Variants in PCDHGB1 observed in about 807,000 individuals in gnomAD.
PCDHGB1 encodes the protein protocadherin gamma subfamily B, 1, also known as protocadherin gamma-B1.
A neutral mutation model predicts 56.6 loss-of-function variants in PCDHGB1; 34 were observed. The observed-to-expected ratio is 0.60, with a 90% CI of 0.46 to 0.80. The LOEUF (loss-of-function observed/expected upper bound fraction) is 0.80, where lower values mean the gene tolerates loss of function less well. PCDHGB1 is among the 30% of genes least tolerant of loss of function. The pLI, the probability that PCDHGB1 is intolerant of heterozygous loss-of-function variation, is 0.00. For missense variants in PCDHGB1, 1,278 were observed against 1,204.6 expected (o/e 1.06, Z -0.90); for synonymous variants, 561 against 505.9 (o/e 1.11, Z -1.46).
At chr5:141,502,815 TTTCC>T in intron 2 of PCDHGB1, among the ~76,000 whole-genome samples, 1 of 151,372 alleles carries the variant, frequency 6.6e-6, no homozygotes, top group East Asian at 1.9e-4. Context: ...TTCACTGTCT[TTTCC>T]TTGGGGAAGC....
At position 141,489,733 on chromosome 5, in the gene PCDHGB1, A is replaced by C; in HGVS notation, c.2410-5074A>C. ...TGCCCAGGATCCGGATGTGGGCACC[A>C]ATACTGTGAGCTTTTACACTCTAAG... On this transcript the variant is annotated intron_variant, in intron 1 of 3. Coordinates refer to ENST00000523390, the MANE Select transcript of PCDHGB1 (RefSeq NM_018922.3). This position sits in a 1 kb window ranked among gnomAD's most constrained non-coding sequence, Gnocchi z 4.5. 1 of 1,614,168 alleles carries C rather than the reference A, an allele frequency of 6.2e-7. No individual in the cohort carries two copies. The highest frequency in any genetic ancestry group is 1.1e-5 in the South Asian group (1 of 91,078).
At chr5:141,465,867 A>G (rs1049493106) in intron 1 of PCDHGB1, among the ~76,000 whole-genome samples, 5 of 152,040 alleles carry the variant, frequency 3.3e-5, no homozygotes, top group African/African-American at 9.7e-5. Context: ...TCATGCCTGT[A>G]ATCCCAGCAC....
chr5:141,494,977 T>C, intron 2 of PCDHGB1, 112 bp downstream of exon 2: 1 of 1,574,332 alleles, frequency 6.4e-7, no homozygotes, highest in East Asian at 2.3e-5. Context: ...TCTCCCTCAG[T>C]TTGAGATCCC....
chr5:141,397,862 G>A (rs956658469), intron 1 of PCDHGB1: 5 of 566,952 alleles, frequency 8.8e-6, no homozygotes, highest in African/African-American at 7.5e-5. Flanking sequence ...TAGTTTCCTA[G>A]TGCTGACTCT....
intron 1 of PCDHGB1, chr5:141,374,349 G>A: frequency 1.2e-6 from 2 of 1,614,042 alleles, no homozygotes; most frequent in Non-Finnish European, 1.7e-6. Context: ...ACCGCGGGTA[G>A]GATAGACCGC....
intron 1 of PCDHGB1, chr5:141,374,996 G>A: frequency 1.9e-6 from 3 of 1,614,006 alleles, no homozygotes; most frequent in Non-Finnish European, 2.5e-6. Context: ...TTCAACTTCT[G>A]CAAATCTAGA....
chr5:141,376,110 G>C (rs772810239), intron 1 of PCDHGB1: 1 of 1,613,644 alleles, frequency 6.2e-7, no homozygotes. Context: ...GCCGACCTGG[G>C]CAGCCTCGAG....
chr5:141,399,527 T>A (rs781680585), intron 1 of PCDHGB1: 2 of 1,614,016 alleles, frequency 1.2e-6, no homozygotes, highest in East Asian at 2.2e-5. Context: ...GGGGCCTCCA[T>A]CGCGCAAGTC....
At chr5:141,388,841 A>G in intron 1 of PCDHGB1, 1 of 1,614,022 alleles carries the variant, frequency 6.2e-7, no homozygotes. Context: ...TTTTGGAAGC[A>G]AGGGACGGTG....
chr5:141,405,195 C>T, intron 1 of PCDHGB1: 1 of 1,613,786 alleles, frequency 6.2e-7, no homozygotes. Context: ...GGGGTTCGAG[C>T]TTTCCTACAG....
Position 141,491,590 on chromosome 5 carries a change from G to A in PCDHGB1, c.2410-3217G>A, listed in dbSNP as rs376104513. ...GACGTGCTTTTCACCGGCCTCGGAC[G>A]GCAGTGACTTCACTTTTCTAAGACC... On this transcript the variant is annotated intron_variant, in intron 1 of 3. Transcript: ENST00000523390. The surrounding 1 kb of genome is among the most constrained non-coding windows in gnomAD (Gnocchi z 6.9). 15 of 1,613,828 alleles carry A rather than the reference G, an allele frequency of 9.3e-6. No homozygotes were observed. In the African/African-American group the frequency reaches 2.0e-4, roughly 22 times the overall value.
intron 1 of PCDHGB1, among the ~76,000 whole-genome samples, chr5:141,444,000 A>T (rs2098413157): frequency 6.6e-6 from 1 of 152,070 alleles, no homozygotes; most frequent in African/African-American, 2.4e-5. Context: ...TTTAAATGCT[A>T]CCTGGGTATT....
In PCDHGB1 at chr5:141,431,543, C is replaced by T. The variant is rs1334234544; in HGVS notation, c.2410-63264C>T. The T allele has an allele frequency of 1.9e-6, 3 of 1,614,128 alleles. No individual in the cohort carries two copies. The highest frequency in any genetic ancestry group is 2.5e-6 in the Non-Finnish European group (3 of 1,180,036). ...GAATCTGGCCTTGGGCACGCAGCTGCTTGTAGTCAACGCTACCGACCCTGA... is the reference window on the plus strand; with the variant it reads ...GAATCTGGCCTTGGGCACGCAGCTGTTTGTAGTCAACGCTACCGACCCTGA... On this transcript the variant is annotated intron_variant, in intron 1 of 3. Transcript: ENST00000523390. This position sits in a 1 kb window ranked among gnomAD's most constrained non-coding sequence, Gnocchi z 4.8.
chr5:141,420,496 G>T, intron 1 of PCDHGB1: 1 of 495,924 alleles, frequency 2.0e-6, no homozygotes, highest in Non-Finnish European at 3.1e-6. Context: ...GTAATCTCCG[G>T]TGACATTTTT....
At chr5:141,361,236 C>G (rs373083462) in intron 1 of PCDHGB1, 88 of 1,613,828 alleles carry the variant, frequency 5.5e-5, no homozygotes, top group Non-Finnish European at 7.2e-5. Flanking sequence ...CAGTGATCGC[C>G]TTGATAAAAA....
chr5:141,447,516 A>G (rs997127013), intron 1 of PCDHGB1, among the ~76,000 whole-genome samples: 1 of 152,220 alleles, frequency 6.6e-6, no homozygotes, highest in African/African-American at 2.4e-5. Flanking sequence ...ATGCATAACA[A>G]TCATAACAAA....
chr5:141,442,798 A>G (rs1055527090), intron 1 of PCDHGB1, among the ~76,000 whole-genome samples: 1 of 152,256 alleles, frequency 6.6e-6, no homozygotes, highest in East Asian at 1.9e-4. Flanking sequence ...TTTTACTTTG[A>G]TATTCAAATT....
rs1176011355 is a variant in PCDHGB1, at chr5:141,485,491, G to C, written c.2410-9316G>C. Reference sequence around the variant, plus strand: ...TCAGTGCCAGCTGCATCGTGCCCCTGGAGTTTGTCACCGAAGGTCCTTTGG... The same window carrying C: ...TCAGTGCCAGCTGCATCGTGCCCCTCGAGTTTGTCACCGAAGGTCCTTTGG... On this transcript the variant is annotated intron_variant, in intron 1 of 3. Coordinates refer to ENST00000523390, the MANE Select transcript of PCDHGB1 (RefSeq NM_018922.3). This position sits in a 1 kb window ranked among gnomAD's most constrained non-coding sequence, Gnocchi z 5.7. 6.2e-7 allele frequency: 1 copy of C among 1,614,142 alleles called. No homozygotes were observed. The highest frequency in any genetic ancestry group is 1.3e-5 in the African/African-American group (1 of 75,018).
Position 141,352,644 on chromosome 5 carries a change from C to T in PCDHGB1, c.2384C>T (p.Ala795Val). The T allele has an allele frequency of 3.7e-6, 6 of 1,605,670 alleles. No homozygotes were observed. The highest frequency in any genetic ancestry group is 5.1e-6 in the Non-Finnish European group (6 of 1,175,546). The change falls in exon 1 of 4, where the codon GCT becomes GTT. Residue 795 changes from alanine to valine, a missense_variant. Physicochemically the swap from Ala to Val is moderately conservative, Grantham distance 64. Coordinates refer to ENST00000523390, the MANE Select transcript of PCDHGB1 (RefSeq NM_018922.3). ...VCASNEDHKIAYDPSLSSHQA... is the reference protein window; with the variant it reads ...VCASNEDHKIVYDPSLSSHQA... ...GCCAGTAATGAAGATCACAAAATCGCTTATGACCCTTCTTTGTCTTCGCAC... is the reference window on the plus strand; with the variant it reads ...GCCAGTAATGAAGATCACAAAATCGTTTATGACCCTTCTTTGTCTTCGCAC...
Sources: gnomAD v4.1 joint callset for allele counts (sites outside exome capture counted in the v4.1 genomes callset) on GRCh38, gnomAD v4.1.1 for gene constraint, Gnocchi (gnomAD v3.1) non-coding constraint, MANE v1.5 for transcripts, NCBI Gene and HGNC (gene_info 2026-07-23, HGNC 2026-07-21) for gene names.